Variants in BORCS5 observed in about 807,000 individuals in gnomAD.
BORCS5 encodes the protein BLOC-1-related complex subunit 5.
BORCS5 carries 17 observed loss-of-function variants against 22.1 expected under a neutral mutation model. The observed-to-expected ratio is 0.77, with a 90% CI of 0.53 to 1.15. The LOEUF (loss-of-function observed/expected upper bound fraction) is 1.15. Ranked by LOEUF, BORCS5 falls within the 50% of genes most tolerant of loss-of-function variation. The pLI is 0.00. For missense variants in BORCS5, 247 were observed against 253.2 expected, an observed-to-expected ratio of 0.98 and a Z score of 0.17; for synonymous variants, 117 against 99.8, an observed-to-expected ratio of 1.17 and a Z score of -1.03.
At chr12:12,381,747 A>G (rs1051516229) in intron 2 of BORCS5, among the ~76,000 whole-genome samples, 1 of 151,530 alleles carries the variant, frequency 6.6e-6, no homozygotes, top group Non-Finnish European at 1.5e-5. Context: ...TAAAGACTAT[A>G]TAGTCTGCAG....
intron 3 of BORCS5, among the ~76,000 whole-genome samples, chr12:12,459,683 G>T (rs1003455177): frequency 2.0e-5 from 3 of 152,156 alleles, no homozygotes; most frequent in South Asian, 2.1e-4. Flanking sequence ...TTAGGTCTGT[G>T]ATCCATTCCA....
intron 2 of BORCS5, among the ~76,000 whole-genome samples, chr12:12,370,001 A>G (rs531074084): frequency 6.6e-6 from 1 of 151,928 alleles, no homozygotes; most frequent in South Asian, 2.1e-4. Context: ...CTGGAATTAC[A>G]GGCATGAGCC....
chr12:12,418,800 G>C (rs1942038858), intron 2 of BORCS5, among the ~76,000 whole-genome samples: 1 of 152,106 alleles, frequency 6.6e-6, no homozygotes, highest in African/African-American at 2.4e-5. Context: ...AGTTGGATCA[G>C]GTTTTTAATC....
intron 2 of BORCS5, among the ~76,000 whole-genome samples, chr12:12,400,553 A>G (rs986672388): frequency 6.6e-6 from 1 of 151,292 alleles, no homozygotes; most frequent in Non-Finnish European, 1.5e-5. Flanking sequence ...GCTGCTACCT[A>G]GAATTTCTTT....
intron 3 of BORCS5, among the ~76,000 whole-genome samples, chr12:12,442,280 C>A (rs908809890): frequency 1.5e-4 from 23 of 152,118 alleles, no homozygotes; most frequent in Non-Finnish European, 2.5e-4. Flanking sequence ...TCTCTTGTCA[C>A]TGCCCTGGGT....
intron 2 of BORCS5, among the ~76,000 whole-genome samples, chr12:12,374,089 G>A (rs1257999620): frequency 1.4e-5 from 2 of 144,370 alleles, no homozygotes; most frequent in Non-Finnish European, 3.0e-5. Flanking sequence ...CCGGGTTCAC[G>A]CCATTCTCCT....
chr12:12,415,514 T>C (rs1190495094), intron 2 of BORCS5, among the ~76,000 whole-genome samples: 1 of 102,812 alleles, frequency 9.7e-6, no homozygotes, highest in Non-Finnish European at 1.8e-5. Flanking sequence ...TGTCCAGCTT[T>C]GGCTCGGCAT....
In BORCS5 at chr12:12,465,901, A is replaced by G; in HGVS notation, c.*125A>G. ...GGGAGGCTCCCTGAAAGTGGGTGCG[A>G]AGGAGTCCGGCTGGCATGAAAATCT... On this transcript the variant is annotated 3_prime_UTR_variant, in exon 4 of 4. Transcript: ENST00000314565. 1 of 736,992 alleles carries G rather than the reference A, an allele frequency of 1.4e-6. No homozygotes were observed. Among genetic ancestry groups the G allele is most frequent in the South Asian group, 1.9e-5 (1 of 53,726 alleles). The allele number at this position is 736,992 out of a possible 1,614,324, so 45.7% of individuals were successfully genotyped here.
chr12:12,360,115 G>A (rs1247168951), intron 1 of BORCS5, among the ~76,000 whole-genome samples: 1 of 152,138 alleles, frequency 6.6e-6, no homozygotes, highest in Non-Finnish European at 1.5e-5. Context: ...CGTAATTCTA[G>A]CACTTTGGGA....
At chr12:12,400,877 T>G (rs1592088198) in intron 2 of BORCS5, among the ~76,000 whole-genome samples, 1 of 152,238 alleles carries the variant, frequency 6.6e-6, no homozygotes, top group East Asian at 1.9e-4. Context: ...GAATATTCTT[T>G]CACTTGTTTT....
intron 3 of BORCS5, among the ~76,000 whole-genome samples, chr12:12,447,518 A>G (rs1356275092): frequency 1.3e-5 from 2 of 152,212 alleles, no homozygotes; most frequent in East Asian, 1.9e-4. Flanking sequence ...CCGAGCAGCC[A>G]TCTATCATCC....
intron 2 of BORCS5, among the ~76,000 whole-genome samples, chr12:12,422,398 G>T (rs1942155881): frequency 6.6e-6 from 1 of 151,994 alleles, no homozygotes. Flanking sequence ...CAGATCACCT[G>T]AGGTCAGGCG....
At chr12:12,375,203 A>G (rs1423965193) in intron 2 of BORCS5, among the ~76,000 whole-genome samples, 3 of 151,952 alleles carry the variant, frequency 2.0e-5, no homozygotes, top group African/African-American at 4.8e-5. Flanking sequence ...TATAGAGACA[A>G]TGTTTTACCA....
At chr12:12,459,512 G>A (rs140296097) in intron 3 of BORCS5, among the ~76,000 whole-genome samples, 1 of 152,226 alleles carries the variant, frequency 6.6e-6, no homozygotes, top group East Asian at 1.9e-4. Flanking sequence ...ATTTCACCAT[G>A]TTGGTCAGGC....
intron 3 of BORCS5, among the ~76,000 whole-genome samples, chr12:12,460,861 G>A (rs934898481): frequency 5.9e-5 from 9 of 152,088 alleles, no homozygotes; most frequent in African/African-American, 1.7e-4. Context: ...TATCCTTTTT[G>A]TATATTTCTG....
At chr12:12,438,374 A>AACAAAAAAAAAAAAAAAC (rs1555156020) in intron 3 of BORCS5, among the ~76,000 whole-genome samples, 1 of 125,046 alleles carries the variant, frequency 8.0e-6, no homozygotes, top group African/African-American at 3.8e-5. Flanking sequence ...AAAAAAAAAA[A>AACAAAAAAAAAAAAAAAC]AAAAAACGAA....
At chr12:12,391,665 G>C (rs1031862166) in intron 2 of BORCS5, among the ~76,000 whole-genome samples, 1 of 151,432 alleles carries the variant, frequency 6.6e-6, no homozygotes, top group Non-Finnish European at 1.5e-5. Context: ...TGGGATTGCA[G>C]ACGTGAGCCA....
chr12:12,457,654 C>T (rs1236536735), intron 3 of BORCS5, among the ~76,000 whole-genome samples: 2 of 152,282 alleles, frequency 1.3e-5, no homozygotes, highest in East Asian at 3.9e-4. Flanking sequence ...AAGCTCTCTC[C>T]CCTCCCCACA....
intron 2 of BORCS5, among the ~76,000 whole-genome samples, chr12:12,365,727 GTATCTTATCC>G (rs1422875920): frequency 6.6e-6 from 1 of 152,100 alleles, no homozygotes; most frequent in African/African-American, 2.4e-5. Context: ...TATGATAATA[GTATCTTATCC>G]CCCATGCTTC....
Sources: allele counts gnomAD v4.1 joint callset (sites outside exome capture counted in the v4.1 genomes callset), GRCh38; gene constraint gnomAD v4.1.1; transcripts MANE v1.5; gene names NCBI Gene and HGNC (gene_info 2026-07-23, HGNC 2026-07-21).